TRERF1: variants seen among roughly 807,000 people sequenced by gnomAD.
TRERF1 encodes transcriptional-regulating factor 1.
Under a neutral mutation model 122.9 loss-of-function variants are expected in TRERF1, and 27 were observed. The ratio of observed to expected loss-of-function variants is 0.22; its 90% confidence interval spans 0.16 to 0.30. TRERF1 has a LOEUF of 0.30. Among genes scored for constraint, TRERF1 ranks in the 10% least tolerant of loss-of-function variants. The pLI, the probability that TRERF1 is intolerant of heterozygous loss-of-function variation, is 1.00. For synonymous variants in TRERF1, 636 were observed against 641.7 expected, an observed-to-expected ratio of 0.99 and a Z score of 0.13; for missense variants, 1,248 against 1,560.3, an observed-to-expected ratio of 0.80 and a Z score of 3.37.
intron 4 of TRERF1, among the ~76,000 whole-genome samples, chr6:42,285,513 C>T (rs1475888254): frequency 1.3e-5 from 2 of 152,042 alleles, no homozygotes; most frequent in African/African-American, 4.8e-5. Context: ...GAACTTCCAA[C>T]ACTATGTTGA....
In TRERF1 at chr6:42,418,269, T is replaced by TC. The variant is rs60218584; in HGVS notation, c.-454+32907_-454+32908insG. 7.0e-3 allele frequency among the ~76,000 whole-genome samples: 910 copies of TC among 130,238 alleles called. 26 individuals are homozygous for TC. The highest frequency in any genetic ancestry group is 0.048 in the East Asian group (200 of 4,192). 85.4% of individuals were successfully genotyped at this position (130,238 alleles called of 152,430 possible). On this transcript the variant is annotated intron_variant, in intron 2 of 17. Coordinates refer to ENST00000372922, the Ensembl canonical transcript of TRERF1. ...GAGTTTTGCTCTTTCTTTCTTTCTT[T>TC]TTTTTTTTTTTTTTTCCGAGATGGA... is the stretch of plus-strand genomic sequence containing the variant.
chr6:42,314,023 C>T (rs1762097189), intron 3 of TRERF1, among the ~76,000 whole-genome samples: 2 of 150,346 alleles, frequency 1.3e-5, no homozygotes, highest in South Asian at 2.1e-4. Flanking sequence ...AAACAGGGAA[C>T]AGCTGGAGGT....
At chr6:42,382,619 C>T (rs1428569762) in intron 2 of TRERF1, among the ~76,000 whole-genome samples, 1 of 152,068 alleles carries the variant, frequency 6.6e-6, no homozygotes, top group Non-Finnish European at 1.5e-5. Context: ...TTTCTGAATG[C>T]AAATCAGTGA....
intron 2 of TRERF1, among the ~76,000 whole-genome samples, chr6:42,363,674 A>T (rs1278288663): frequency 6.6e-6 from 1 of 152,182 alleles, no homozygotes; most frequent in Admixed American, 6.5e-5. Flanking sequence ...TAAATAGTTA[A>T]GACGAGGTCC....
chr6:42,414,162 G>A (rs1253435706), intron 2 of TRERF1, among the ~76,000 whole-genome samples: 5 of 152,220 alleles, frequency 3.3e-5, no homozygotes, highest in African/African-American at 1.2e-4. Context: ...AAACTGAGCA[G>A]CAACAAGTAA....
chr6:42,385,680 A>C (rs924263704), intron 2 of TRERF1, among the ~76,000 whole-genome samples: 13 of 152,166 alleles, frequency 8.5e-5, no homozygotes, highest in Non-Finnish European at 1.3e-4. Context: ...CATATTACTC[A>C]AAGGCACCAC....
At position 42,269,721 on chromosome 6, in the gene TRERF1, T is replaced by G; in HGVS notation, c.-131A>C. On this transcript the variant is annotated 5_prime_UTR_variant, in exon 5 of 18. Transcript: ENST00000372922. The surrounding 1 kb of genome is among the most constrained non-coding windows in gnomAD (Gnocchi z 4.9). ...CACTACTCCACGGCTGACATGTCTG[T>G]GAACGTGGCTGGAGCCAGGTGTTCC... The G allele has an allele frequency of 2.1e-6, 3 of 1,451,212 alleles. No homozygotes were observed. The highest frequency in any genetic ancestry group is 2.5e-4 in the Middle Eastern group (1 of 3,952). 89.9% of individuals were successfully genotyped at this position (1,451,212 alleles called of 1,614,324 possible).
Position 42,308,787 on chromosome 6 carries a change from G to T in TRERF1, c.-370-8038C>A, listed in dbSNP as rs185821244. ...CAACAGACACTGAGGTCTACTTGAG[G>T]GGGGAGGGCAGGAGGAGGGAGAGGA... On this transcript the variant is annotated intron_variant, in intron 3 of 17. Coordinates refer to ENST00000372922, the Ensembl canonical transcript of TRERF1. 9.2e-5 allele frequency among the ~76,000 whole-genome samples: 14 copies of T among 152,140 alleles called. No individual in the cohort carries two copies. The East Asian group carries it at 2.1e-3, about 23-fold the overall frequency.
intron 4 of TRERF1, among the ~76,000 whole-genome samples, chr6:42,296,928 T>C (rs369482736): frequency 1.3e-5 from 2 of 152,320 alleles, no homozygotes; most frequent in East Asian, 3.9e-4. Context: ...ATTTCCTCCC[T>C]CAAGGAAGAT....
At position 42,259,625 on chromosome 6, in the gene TRERF1, G is replaced by A. The variant is rs935245845; in HGVS notation, c.1983C>T (p.Leu661=). ...TGTAGGAGGGCGGCGGCGGGATGAAGAGAGGTTCCGGCCGGTGCCGGAACT... is the reference window on the plus strand; with the variant it reads ...TGTAGGAGGGCGGCGGCGGGATGAAAAGAGGTTCCGGCCGGTGCCGGAACT... Residue 661 remains leucine (L), a synonymous_variant, in exon 9 of 18, where the codon CTC becomes CTT. Transcript: ENST00000372922. This position sits in a 1 kb window ranked among gnomAD's most constrained non-coding sequence, Gnocchi z 4.9. The A allele has an allele frequency of 2.5e-6, 4 of 1,613,590 alleles. No homozygotes were observed. The highest frequency in any genetic ancestry group is 2.5e-6 in the Non-Finnish European group (3 of 1,180,008).
At chr6:42,287,759 T>C (rs1783526781) in intron 4 of TRERF1, among the ~76,000 whole-genome samples, 1 of 152,118 alleles carries the variant, frequency 6.6e-6, no homozygotes, top group African/African-American at 2.4e-5. Context: ...CCTGGCCATC[T>C]TCTCTCATTG....
chr6:42,384,136 G>C (rs1776406556), intron 2 of TRERF1, among the ~76,000 whole-genome samples: 4 of 151,934 alleles, frequency 2.6e-5, no homozygotes, highest in Admixed American at 2.6e-4. Context: ...TTATCCTACA[G>C]ACATACTCCT....
At position 42,422,504 on chromosome 6, in the gene TRERF1, C is replaced by CAA. The variant is rs70987594; in HGVS notation, c.-454+28671_-454+28672dup. ...GGGCAACAGAGCCAGACCCTGTCTC[C>CAA]AAAAAAAAAAAAAAAAAAAAAATAC... is the stretch of plus-strand genomic sequence containing the variant. On this transcript the variant is annotated intron_variant, in intron 2 of 17. Transcript: ENST00000372922. 5.5e-3 allele frequency among the ~76,000 whole-genome samples: 669 copies of CAA among 120,550 alleles called. 10 individuals carry two copies. The highest frequency in any genetic ancestry group is 0.021 in the South Asian group (79 of 3,830). The allele number at this position is 120,550 out of a possible 152,430, so 79.1% of individuals were successfully genotyped here.
At chr6:42,422,033 TGG>T (rs1273293785) in intron 2 of TRERF1, among the ~76,000 whole-genome samples, 3 of 150,976 alleles carry the variant, frequency 2.0e-5, no homozygotes, top group Non-Finnish European at 4.4e-5. Flanking sequence ...TAGCCAGGCG[TGG>T]TGGCGTGCAC....
At chr6:42,364,248 T>C (rs1387899208) in intron 2 of TRERF1, among the ~76,000 whole-genome samples, 2 of 152,172 alleles carry the variant, frequency 1.3e-5, no homozygotes, top group African/African-American at 4.8e-5. Context: ...CCTGGAGCAC[T>C]CTTCCCCCAG....
intron 4 of TRERF1, among the ~76,000 whole-genome samples, chr6:42,280,165 C>T (rs1419338427): frequency 6.6e-6 from 1 of 152,104 alleles, no homozygotes; most frequent in African/African-American, 2.4e-5. Flanking sequence ...AAGCTTTTCG[C>T]TTTTAAGATA....
At chr6:42,265,147 A>C (rs1045369577) in intron 6 of TRERF1, among the ~76,000 whole-genome samples, 3 of 152,218 alleles carry the variant, frequency 2.0e-5, no homozygotes, top group Non-Finnish European at 2.9e-5. Flanking sequence ...TGGGAACGAT[A>C]GCTTATTACC....
At chr6:42,373,324 G>C (rs986192484) in intron 2 of TRERF1, among the ~76,000 whole-genome samples, 3 of 151,608 alleles carry the variant, frequency 2.0e-5, no homozygotes, top group African/African-American at 4.9e-5. Context: ...CCTGAGGTGG[G>C]GAGTTCAAGA....
chr6:42,240,841 G>A (rs1773520667), intron 15 of TRERF1, among the ~76,000 whole-genome samples: 1 of 152,162 alleles, frequency 6.6e-6, no homozygotes, highest in Admixed American at 6.5e-5. Flanking sequence ...TACATTGTGG[G>A]AGTTCAACTG....
Sources: allele counts gnomAD v4.1 joint callset (sites outside exome capture counted in the v4.1 genomes callset), GRCh38; gene constraint gnomAD v4.1.1; non-coding constraint Gnocchi (gnomAD v3.1); transcripts MANE v1.5; gene names NCBI Gene and HGNC (gene_info 2026-07-23, HGNC 2026-07-21).